The following MACROD2 variants were observed in gnomAD, a reference collection of about 807,000 sequenced individuals.
The protein encoded by MACROD2 is mono-ADP ribosylhydrolase 2.
MACROD2 carries 36 observed loss-of-function variants against 70.4 expected under a neutral mutation model. The observed-to-expected ratio is 0.51, with a 90% CI of 0.39 to 0.68. The LOEUF is 0.68. MACROD2 is among the 30% of genes least tolerant of loss of function. The pLI, the probability that MACROD2 is intolerant of heterozygous loss-of-function variation, is 0.00. For missense variants in MACROD2, 496 were observed against 538.4 expected (o/e 0.92, Z 0.78); for synonymous variants, 172 against 178.8 (o/e 0.96, Z 0.30).
At chr20:15,405,003 G>A (rs908277398) in intron 6 of MACROD2, among the ~76,000 whole-genome samples, 8 of 152,102 alleles carry the variant, frequency 5.3e-5, no homozygotes, top group African/African-American at 1.2e-4. Context: ...CCTTAAAAAC[G>A]TTATGCTAGG....
At chr20:14,255,663 T>C (rs2082049689) in intron 3 of MACROD2, among the ~76,000 whole-genome samples, 1 of 150,208 alleles carries the variant, frequency 6.7e-6, no homozygotes, top group Non-Finnish European at 1.5e-5. Flanking sequence ...TGTGCACATG[T>C]ACCCTAATAC....
intron 5 of MACROD2, among the ~76,000 whole-genome samples, chr20:14,988,478 G>T (rs1312677393): frequency 6.6e-6 from 1 of 151,682 alleles, no homozygotes; most frequent in Non-Finnish European, 1.5e-5. Flanking sequence ...TTTAAATTTT[G>T]CAGAGGCATT....
intron 1 of MACROD2, among the ~76,000 whole-genome samples, chr20:13,997,557 A>G (rs2052680228): frequency 2.0e-5 from 3 of 152,144 alleles, no homozygotes; most frequent in South Asian, 4.2e-4. Context: ...TAACGTTATA[A>G]TGTTTCCTTC....
At chr20:15,609,029 C>A (rs1240625732) in intron 8 of MACROD2, among the ~76,000 whole-genome samples, 3 of 152,128 alleles carry the variant, frequency 2.0e-5, no homozygotes, top group African/African-American at 4.8e-5. Context: ...GGGATGATGT[C>A]CCAGCTACAT....
chr20:15,907,300 A>G (rs910771193), intron 10 of MACROD2, among the ~76,000 whole-genome samples: 4 of 152,262 alleles, frequency 2.6e-5, no homozygotes, highest in Non-Finnish European at 4.4e-5. Flanking sequence ...AGATCAGTCA[A>G]TCACATCTTC....
At chr20:15,143,032 T>C (rs979462610) in intron 5 of MACROD2, among the ~76,000 whole-genome samples, 17 of 150,098 alleles carry the variant, frequency 1.1e-4, no homozygotes, top group Non-Finnish European at 2.2e-4. Flanking sequence ...TACCCAGTAA[T>C]GGGATGGCTG....
chr20:15,791,230 C>G (rs986089772), intron 8 of MACROD2, among the ~76,000 whole-genome samples: 2 of 151,880 alleles, frequency 1.3e-5, no homozygotes, highest in Non-Finnish European at 2.9e-5. Flanking sequence ...TTGGAGATTT[C>G]TTTGAAGTTA....
chr20:15,672,049 T>C (rs1028946388), intron 8 of MACROD2, among the ~76,000 whole-genome samples: 3 of 152,140 alleles, frequency 2.0e-5, no homozygotes, highest in African/African-American at 7.2e-5. Context: ...CACAGGATGC[T>C]GAGAAGGATC....
At chr20:14,203,381 A>G (rs1444787829) in intron 3 of MACROD2, among the ~76,000 whole-genome samples, 2 of 151,828 alleles carry the variant, frequency 1.3e-5, no homozygotes, top group Non-Finnish European at 2.9e-5. Context: ...CAGGAATTTC[A>G]TAGATTTTTT....
At chr20:14,451,128 A>G (rs1297316962) in intron 3 of MACROD2, among the ~76,000 whole-genome samples, 2 of 151,958 alleles carry the variant, frequency 1.3e-5, no homozygotes, top group Non-Finnish European at 2.9e-5. Context: ...GAGACAGAGG[A>G]GGAAGGGAGG....
intron 8 of MACROD2, among the ~76,000 whole-genome samples, chr20:15,857,082 G>T (rs2064365182): frequency 6.6e-6 from 1 of 152,178 alleles, no homozygotes; most frequent in African/African-American, 2.4e-5. Flanking sequence ...CAGAATCCTT[G>T]AATGATATGG....
chr20:15,055,104 C>G (rs1442750765), intron 5 of MACROD2, among the ~76,000 whole-genome samples: 2 of 152,050 alleles, frequency 1.3e-5, no homozygotes, highest in Admixed American at 1.3e-4. Context: ...CGCCTTCCAC[C>G]ACACCCAGCT....
Position 13,995,599 on chromosome 20 carries a change from G to A in MACROD2, c.-165G>A, listed in dbSNP as rs1276950182. The A allele has an allele frequency of 4.2e-6, 3 of 718,286 alleles. No individual in the cohort carries two copies. Among genetic ancestry groups the A allele is most frequent in the Non-Finnish European group, 7.5e-6 (3 of 399,792 alleles). The allele number at this position is 718,286 out of a possible 1,614,324, so 44.5% of individuals were successfully genotyped here. A position where few individuals can be genotyped will look rare whatever the true frequency, so the allele number is the denominator to read the frequency against. On this transcript the variant is annotated 5_prime_UTR_variant, in exon 1 of 18. Transcript: ENST00000684519. This position sits in a 1 kb window ranked among gnomAD's most constrained non-coding sequence, Gnocchi z 4.3. ...GAGCCGAGCGCGGGCTGAGGGAGGA[G>A]GGCGGCGACTGGAGAGCGGCGAGCG... is the stretch of plus-strand genomic sequence containing the variant.
chr20:15,017,226 G>T (rs1421523128), intron 5 of MACROD2, among the ~76,000 whole-genome samples: 1 of 152,142 alleles, frequency 6.6e-6, no homozygotes, highest in Non-Finnish European at 1.5e-5. Context: ...ATTCCAAACG[G>T]GAGAAATTGG....
At chr20:14,617,364 C>T (rs1441619260) in intron 4 of MACROD2, among the ~76,000 whole-genome samples, 1 of 152,072 alleles carries the variant, frequency 6.6e-6, no homozygotes, top group Middle Eastern at 3.2e-3. Context: ...CACTGTGATA[C>T]TTCATCACTT....
intron 4 of MACROD2, among the ~76,000 whole-genome samples, chr20:14,624,841 A>C (rs189967291): frequency 1.6e-3 from 238 of 152,328 alleles, no homozygotes; most frequent in Middle Eastern, 6.8e-3. Flanking sequence ...TATTAGATGA[A>C]TGCCAGCCAG....
intron 13 of MACROD2, among the ~76,000 whole-genome samples, chr20:15,976,438 G>A (rs554036671): frequency 3.3e-5 from 5 of 152,206 alleles, no homozygotes; most frequent in Non-Finnish European, 7.3e-5. Context: ...CAGCCAGGAG[G>A]GATTAGGGCA....
intron 8 of MACROD2, among the ~76,000 whole-genome samples, chr20:15,813,263 G>T (rs1357767419): frequency 1.3e-5 from 2 of 152,120 alleles, no homozygotes; most frequent in Non-Finnish European, 2.9e-5. Flanking sequence ...CTGAAATTCT[G>T]TTGCTTACAC....
chr20:15,934,086 A>G (rs566567923), intron 11 of MACROD2, among the ~76,000 whole-genome samples: 6 of 152,260 alleles, frequency 3.9e-5, no homozygotes, highest in Non-Finnish European at 7.4e-5. Flanking sequence ...TTCACTCACC[A>G]ACATAACCAG....
Sources: gnomAD v4.1 joint callset for allele counts (sites outside exome capture counted in the v4.1 genomes callset) on GRCh38, gnomAD v4.1.1 for gene constraint, Gnocchi (gnomAD v3.1) non-coding constraint, MANE v1.5 for transcripts, NCBI Gene and HGNC (gene_info 2026-07-23, HGNC 2026-07-21) for gene names.